Variants in ATE1 observed in about 807,000 individuals in gnomAD.
ATE1 encodes the protein arginyl-tRNA--protein transferase 1.
ATE1 carries 36 observed loss-of-function variants against 70.5 expected under a neutral mutation model. That is an observed-to-expected ratio of 0.51 (90% CI 0.39 to 0.67). The LOEUF (loss-of-function observed/expected upper bound fraction) is 0.67. Ranked by LOEUF, ATE1 falls within the 30% of genes least tolerant of loss-of-function variation. The probability of loss-of-function intolerance (pLI) is 0.00; values close to 1 mark genes in which losing one functional copy is unlikely to be tolerated. For synonymous variants in ATE1, 232 were observed against 219.3 expected, an observed-to-expected ratio of 1.06 and a Z score of -0.51; for missense variants, 593 against 629.5, an observed-to-expected ratio of 0.94 and a Z score of 0.62.
At position 121,778,114 on chromosome 10, in the gene ATE1, G is replaced by C. The variant is rs143138367; in HGVS notation, c.1378+12055C>G. On this transcript the variant is annotated intron_variant, in intron 11 of 11. Transcript: ENST00000224652. Reference sequence around the variant, plus strand: ...ACCTTGGAATCATCTTTCCTGCAAAGGAAAATCATGCTCATGGGCACTGAA... The same window carrying C: ...ACCTTGGAATCATCTTTCCTGCAAACGAAAATCATGCTCATGGGCACTGAA... Among the ~76,000 whole-genome samples the C allele has an allele frequency of 7.8e-3, 1,185 of 152,290 alleles. 10 individuals are homozygous for C. Among genetic ancestry groups the C allele is most frequent in the Non-Finnish European group, 0.014 (931 of 68,012 alleles).
At chr10:121,898,905 G>A in intron 7 of ATE1, 1 of 1,613,994 alleles carries the variant, frequency 6.2e-7, no homozygotes, top group African/African-American at 1.3e-5. Context: ...GACATACAAA[G>A]AAAAGGACTG....
At chr10:121,908,577 TAGAAGCAGTCCAGCC>T (rs1477727256) in intron 5 of ATE1, among the ~76,000 whole-genome samples, 1 of 152,196 alleles carries the variant, frequency 6.6e-6, no homozygotes, top group Non-Finnish European at 1.5e-5. Flanking sequence ...GCTGTCTTTA[TAGAAGCAGTCCAGCC>T]AGCCAGGAAA....
intron 3 of ATE1, among the ~76,000 whole-genome samples, chr10:121,916,558 G>T (rs576071861): frequency 6.6e-6 from 1 of 152,092 alleles, no homozygotes; most frequent in East Asian, 1.9e-4. Context: ...TCCCCAGGCC[G>T]GGCGCGGTGG....
chr10:121,899,061 C>A, intron 7 of ATE1: 1 of 1,439,402 alleles, frequency 6.9e-7, no homozygotes, highest in South Asian at 1.4e-5. Flanking sequence ...CTCCACAAAT[C>A]CACGCCAAAG....
At chr10:121,794,610 C>CAAAAAAA (rs71022866) in intron 10 of ATE1, among the ~76,000 whole-genome samples, 1 of 77,540 alleles carries the variant, frequency 1.3e-5, no homozygotes, top group African/African-American at 5.1e-5. Context: ...ACCCTGTCTC[C>CAAAAAAA]AAAAAAAAAA....
At chr10:121,759,829 A>C (rs1428294987) in intron 11 of ATE1, among the ~76,000 whole-genome samples, 1 of 152,222 alleles carries the variant, frequency 6.6e-6, no homozygotes, top group Non-Finnish European at 1.5e-5. Flanking sequence ...AGGTGGCTAC[A>C]CTAAACCAGA....
intron 3 of ATE1, among the ~76,000 whole-genome samples, chr10:121,914,300 C>T (rs1451053665): frequency 4.0e-5 from 6 of 151,886 alleles, no homozygotes; most frequent in Non-Finnish European, 7.4e-5. Context: ...CTCCTGAACT[C>T]GTGATCCACC....
chr10:121,774,363 C>T (rs1026134411), intron 11 of ATE1, among the ~76,000 whole-genome samples: 1 of 152,142 alleles, frequency 6.6e-6, no homozygotes, highest in African/African-American at 2.4e-5. Flanking sequence ...CCAATACTCT[C>T]TAACTTCAAA....
intron 7 of ATE1, among the ~76,000 whole-genome samples, chr10:121,899,638 T>C (rs1162729116): frequency 6.6e-6 from 1 of 152,216 alleles, no homozygotes; most frequent in African/African-American, 2.4e-5. Flanking sequence ...TTTAAATAAT[T>C]TTACATGTTA....
intron 8 of ATE1, among the ~76,000 whole-genome samples, chr10:121,867,904 T>C (rs1446843777): frequency 6.6e-6 from 1 of 152,240 alleles, no homozygotes; most frequent in Non-Finnish European, 1.5e-5. Context: ...GTTGTACATT[T>C]AGATTGTTTA....
intron 10 of ATE1, among the ~76,000 whole-genome samples, chr10:121,834,248 T>C (rs74158457): frequency 0.056 from 8,588 of 152,210 alleles, 767 homozygotes; most frequent in African/African-American, 0.19. Context: ...CTCATCCCTA[T>C]CTGACATCTG....
In ATE1 at chr10:121,870,011, A is replaced by G; in HGVS notation, c.970T>C (p.Leu324=). 1 of 1,610,290 alleles carries G rather than the reference A, an allele frequency of 6.2e-7. No homozygotes were observed. Among genetic ancestry groups the G allele is most frequent in the Non-Finnish European group, 8.5e-7 (1 of 1,177,020 alleles). ...GGTCAGTGAGTAACTCTTACCTCCA[A>G]GGGTGAACTGCAAAGGAATCTTGTG... ...QFTRFLCSSP[L]EAETPPNGPD... is the part of the protein sequence containing the mutation. Residue 324 remains leucine (L), a synonymous_variant, in exon 8 of 12, where the codon TTG becomes CTG. Coordinates refer to ENST00000224652, the MANE Select transcript of ATE1 (RefSeq NM_001001976.3).
At chr10:121,840,992 T>G (rs1948608222) in intron 9 of ATE1, 90 bp downstream of exon 9, 2 of 1,181,162 alleles carry the variant, frequency 1.7e-6, no homozygotes, top group African/African-American at 1.6e-5. Context: ...CAATTAGGAC[T>G]TCTACTGTTA....
At chr10:121,840,304 A>T (rs887319821) in intron 9 of ATE1, among the ~76,000 whole-genome samples, 2 of 152,148 alleles carry the variant, frequency 1.3e-5, no homozygotes, top group African/African-American at 4.8e-5. Context: ...ACTTTGATTC[A>T]TTTACACCGC....
intron 5 of ATE1, among the ~76,000 whole-genome samples, chr10:121,909,240 C>T (rs7098350): frequency 6.6e-6 from 1 of 152,152 alleles, no homozygotes; most frequent in African/African-American, 2.4e-5. Context: ...CCACCTGCCT[C>T]GGTCTCCCAC....
intron 11 of ATE1, among the ~76,000 whole-genome samples, chr10:121,770,258 A>ACACACC (rs1370642573): frequency 6.6e-6 from 1 of 151,748 alleles, no homozygotes; most frequent in Non-Finnish European, 1.5e-5. Context: ...ACACACACAC[A>ACACACC]CACACACACA....
At chr10:121,906,877 T>C (rs1279544312) in intron 5 of ATE1, among the ~76,000 whole-genome samples, 3 of 152,012 alleles carry the variant, frequency 2.0e-5, no homozygotes, top group Non-Finnish European at 2.9e-5. Context: ...GGATTACAGG[T>C]GTGAGCCACT....
chr10:121,775,480 C>T (rs1439866154), intron 11 of ATE1, among the ~76,000 whole-genome samples: 3 of 151,848 alleles, frequency 2.0e-5, no homozygotes, highest in Non-Finnish European at 4.4e-5. Flanking sequence ...AGTTAAAAAA[C>T]AACAACAAAA....
chr10:121,862,532 A>ATTTTTTTTTTTTTTTAT (rs1949511457), intron 8 of ATE1, among the ~76,000 whole-genome samples: 1 of 105,380 alleles, frequency 9.5e-6, no homozygotes, highest in Non-Finnish European at 1.8e-5. Context: ...AATTTTTTTA[A>ATTTTTTTTTTTTTTTAT]TTTTTTTTTT....
Sources: allele counts gnomAD v4.1 joint callset (sites outside exome capture counted in the v4.1 genomes callset), GRCh38; gene constraint gnomAD v4.1.1; transcripts MANE v1.5; gene names NCBI Gene and HGNC (gene_info 2026-07-23, HGNC 2026-07-21).